The following COL5A2 variants were observed in gnomAD, a reference collection of about 807,000 sequenced individuals.
COL5A2 encodes the protein collagen type V alpha 2 chain, also known as collagen alpha-2(V) chain.
Under a neutral mutation model 208.2 loss-of-function variants are expected in COL5A2, and 23 were observed. The observed-to-expected ratio is 0.11, with a 90% CI of 0.08 to 0.16. The LOEUF (loss-of-function observed/expected upper bound fraction) is 0.16, where lower values mean the gene tolerates loss of function less well. COL5A2 is among the 10% of genes least tolerant of loss of function. COL5A2 has a pLI of 1.00. For missense variants in COL5A2, 1,590 were observed against 1,956.4 expected (o/e 0.81, Z 3.53); for synonymous variants, 625 against 628.5 (o/e 0.99, Z 0.08).
the COL5A2 span, among the ~76,000 whole-genome samples, chr2:189,320,690 T>C: frequency 6.6e-6 from 1 of 152,232 alleles, no homozygotes; most frequent in African/African-American, 2.4e-5. Context: ...CTACGTCTGA[T>C]TGGTGTACCT....
At chr2:189,155,058 C>T (rs973616891) in intron 1 of COL5A2, among the ~76,000 whole-genome samples, 1 of 152,116 alleles carries the variant, frequency 6.6e-6, no homozygotes, top group Admixed American at 6.5e-5. Context: ...GAGCTCACTG[C>T]ACCCTTGAGC....
At chr2:189,278,174 C>T in the COL5A2 span, among the ~76,000 whole-genome samples, 265 of 152,202 alleles carry the variant, frequency 1.7e-3, 1 homozygote, top group African/African-American at 5.9e-3. Flanking sequence ...TATTCCTTCT[C>T]TCGATAAGCT....
chr2:189,307,270 T>C, the COL5A2 span, among the ~76,000 whole-genome samples: 1 of 152,146 alleles, frequency 6.6e-6, no homozygotes, highest in Admixed American at 6.5e-5. Context: ...TCTGGTTACA[T>C]TTCTTTAAAC....
intron 1 of COL5A2, among the ~76,000 whole-genome samples, chr2:189,168,234 C>CG (rs1396734630): frequency 1.0e-5 from 1 of 100,018 alleles, no homozygotes; most frequent in East Asian, 3.0e-4. Flanking sequence ...CCACTGTGCC[C>CG]GGGTTTTTTT....
At chr2:189,166,357 C>T (rs1460484231) in intron 1 of COL5A2, among the ~76,000 whole-genome samples, 1 of 151,572 alleles carries the variant, frequency 6.6e-6, no homozygotes, top group Non-Finnish European at 1.5e-5. Flanking sequence ...TCACCTAAGA[C>T]AGGAAAGGGA....
chr2:189,229,594 A>T (rs569233685), upstream of COL5A2, among the ~76,000 whole-genome samples: 1 of 151,802 alleles, frequency 6.6e-6, no homozygotes, highest in Non-Finnish European at 1.5e-5. Context: ...AGGACCAAAA[A>T]CAATAAAATC....
chr2:189,247,984 A>G, the COL5A2 span, among the ~76,000 whole-genome samples: 1 of 152,240 alleles, frequency 6.6e-6, no homozygotes, highest in Non-Finnish European at 1.5e-5. Context: ...AAAAGCTTTA[A>G]AGTCAATACA....
At position 189,098,696 on chromosome 2, in the gene COL5A2, A is replaced by G. The variant is rs201788243; in HGVS notation, c.402+31T>C. ...TTTTCAGTATCTCAAGGAATACAAG[A>G]GTACCAAGAATATTGGGAGAAACTA... On this transcript the variant is annotated intron_variant, in intron 5 of 53. Coordinates refer to ENST00000374866, the MANE Select transcript of COL5A2 (RefSeq NM_000393.5). 1.3e-4 allele frequency: 199 copies of G among 1,554,458 alleles called. 1 individual carries two copies. The highest frequency in any genetic ancestry group is 1.2e-3 in the Middle Eastern group (7 of 5,974).
chr2:189,360,923 T>C, the COL5A2 span, among the ~76,000 whole-genome samples: 1 of 152,164 alleles, frequency 6.6e-6, no homozygotes, highest in African/African-American at 2.4e-5. Context: ...TCCAGCTCCA[T>C]CCAAGTCCCT....
chr2:189,143,317 TAGGGTCACCTGG>T (rs1321739705), intron 1 of COL5A2, among the ~76,000 whole-genome samples: 1 of 152,172 alleles, frequency 6.6e-6, no homozygotes, highest in Non-Finnish European at 1.5e-5. Flanking sequence ...TCCACTTGCC[TAGGGTCACCTGG>T]AGGTGGCACT....
intron 1 of COL5A2, among the ~76,000 whole-genome samples, chr2:189,194,079 T>C (rs1236006842): frequency 6.6e-6 from 1 of 152,208 alleles, no homozygotes; most frequent in Non-Finnish European, 1.5e-5. Flanking sequence ...TAGAAGTCTT[T>C]CATCATTTTT....
At chr2:189,330,164 AG>A in the COL5A2 span, among the ~76,000 whole-genome samples, 1 of 152,188 alleles carries the variant, frequency 6.6e-6, no homozygotes, top group Admixed American at 6.5e-5. Context: ...AGCAAACGGC[AG>A]GGGCAGGGCA....
chr2:189,175,921 G>C (rs1356091694), intron 1 of COL5A2, among the ~76,000 whole-genome samples: 1 of 152,056 alleles, frequency 6.6e-6, no homozygotes. Context: ...AAGTCTGAAT[G>C]TCCTACATGT....
At chr2:189,340,518 A>G in the COL5A2 span, among the ~76,000 whole-genome samples, 2 of 152,228 alleles carry the variant, frequency 1.3e-5, no homozygotes, top group African/African-American at 4.8e-5. Flanking sequence ...TAGGCTCCCA[A>G]ACCACGTTGT....
intron 1 of COL5A2, among the ~76,000 whole-genome samples, chr2:189,124,298 T>C (rs1240747905): frequency 6.6e-6 from 1 of 152,140 alleles, no homozygotes; most frequent in Non-Finnish European, 1.5e-5. Context: ...TCCGGTGAAA[T>C]TCCCCCTAGC....
chr2:189,350,466 A>G, the COL5A2 span, among the ~76,000 whole-genome samples: 2 of 152,198 alleles, frequency 1.3e-5, no homozygotes, highest in Non-Finnish European at 2.9e-5. Context: ...AATAAAATGT[A>G]TATAATTACA....
chr2:189,168,488 C>T (rs939867919), intron 1 of COL5A2, among the ~76,000 whole-genome samples: 2 of 151,816 alleles, frequency 1.3e-5, no homozygotes, highest in Admixed American at 1.3e-4. Flanking sequence ...AACCATAGTG[C>T]CCTGAATTAA....
chr2:189,081,271 A>C (rs1197797688), intron 12 of COL5A2, among the ~76,000 whole-genome samples: 1 of 152,226 alleles, frequency 6.6e-6, no homozygotes, highest in Non-Finnish European at 1.5e-5. Context: ...ACAAGGATAC[A>C]AAGTAATGCC....
At chr2:189,367,952 T>C in the COL5A2 span, among the ~76,000 whole-genome samples, 4 of 152,220 alleles carry the variant, frequency 2.6e-5, no homozygotes. Flanking sequence ...TAGATTTTAA[T>C]GGATTTTAGC....
Sources: gnomAD v4.1 joint callset for allele counts (sites outside exome capture counted in the v4.1 genomes callset) on GRCh38, gnomAD v4.1.1 for gene constraint, MANE v1.5 for transcripts, NCBI Gene and HGNC (gene_info 2026-07-23, HGNC 2026-07-21) for gene names.